Variants in ZNF385B observed in about 807,000 individuals in gnomAD.
ZNF385B encodes the protein zinc finger protein 385B, also known as zinc finger protein 533.
A neutral mutation model predicts 39.2 loss-of-function variants in ZNF385B; 23 were observed. That is an observed-to-expected ratio of 0.59 (90% CI 0.42 to 0.83). ZNF385B has a LOEUF of 0.83. Among genes scored for constraint, ZNF385B ranks in the 40% least tolerant of loss-of-function variants. The pLI is 0.00. For missense variants in ZNF385B, 552 were observed against 598.9 expected, an observed-to-expected ratio of 0.92 and a Z score of 0.82; for synonymous variants, 205 against 222.6, an observed-to-expected ratio of 0.92 and a Z score of 0.70.
intron 3 of ZNF385B, among the ~76,000 whole-genome samples, chr2:179,649,211 C>T (rs1692999447): frequency 6.6e-6 from 1 of 151,998 alleles, no homozygotes; most frequent in South Asian, 2.1e-4. Flanking sequence ...ACAACAACAC[C>T]ACAGAACAAA....
chr2:179,611,220 T>C (rs1460772938), intron 3 of ZNF385B, among the ~76,000 whole-genome samples: 1 of 152,222 alleles, frequency 6.6e-6, no homozygotes, highest in African/African-American at 2.4e-5. Flanking sequence ...ACTCTTTTCA[T>C]ATCCAGTTTT....
chr2:179,830,620 C>G (rs533364085), intron 1 of ZNF385B, among the ~76,000 whole-genome samples: 1 of 152,132 alleles, frequency 6.6e-6, no homozygotes, highest in Non-Finnish European at 1.5e-5. Context: ...TCTGAGAAGG[C>G]TATGCACTCT....
At chr2:179,709,953 C>T (rs373757255) in intron 3 of ZNF385B, among the ~76,000 whole-genome samples, 3 of 152,168 alleles carry the variant, frequency 2.0e-5, no homozygotes, top group African/African-American at 7.2e-5. Flanking sequence ...GGCATCCCCA[C>T]GGATTTCAAC....
intron 5 of ZNF385B, among the ~76,000 whole-genome samples, chr2:179,493,679 A>G (rs1445138040): frequency 4.5e-5 from 5 of 110,270 alleles, no homozygotes; most frequent in Non-Finnish European, 7.8e-5. Context: ...ATATGCATAT[A>G]CATATACACA....
At chr2:179,520,303 T>C (rs192908436) in intron 4 of ZNF385B, among the ~76,000 whole-genome samples, 8 of 152,206 alleles carry the variant, frequency 5.3e-5, no homozygotes, top group Non-Finnish European at 1.0e-4. Flanking sequence ...TATATTATAA[T>C]TTAATAAGTA....
At chr2:179,726,954 C>A (rs961729498) in intron 3 of ZNF385B, among the ~76,000 whole-genome samples, 4 of 152,018 alleles carry the variant, frequency 2.6e-5, no homozygotes, top group Non-Finnish European at 5.9e-5. Context: ...AGATTAGAAT[C>A]CACATTACTT....
intron 3 of ZNF385B, among the ~76,000 whole-genome samples, chr2:179,687,280 T>G (rs1282485803): frequency 6.6e-6 from 1 of 151,648 alleles, no homozygotes; most frequent in African/African-American, 2.4e-5. Flanking sequence ...ATCTTCAACC[T>G]CTTCCAAATC....
At chr2:179,637,787 C>G (rs112145903) in intron 3 of ZNF385B, among the ~76,000 whole-genome samples, 2 of 152,242 alleles carry the variant, frequency 1.3e-5, no homozygotes, top group South Asian at 4.2e-4. Context: ...TGTTAATCAC[C>G]GCTCCATATT....
chr2:179,708,579 C>T (rs1013297705), intron 3 of ZNF385B, among the ~76,000 whole-genome samples: 1 of 152,170 alleles, frequency 6.6e-6, no homozygotes, highest in African/African-American at 2.4e-5. Context: ...GCTACCAAAA[C>T]CATATTTAGT....
At chr2:179,472,694 T>C (rs2052914887) in intron 6 of ZNF385B, among the ~76,000 whole-genome samples, 1 of 152,224 alleles carries the variant, frequency 6.6e-6, no homozygotes, top group South Asian at 2.1e-4. Context: ...AAGTTTCTGC[T>C]TTTTTACTGA....
intron 3 of ZNF385B, among the ~76,000 whole-genome samples, chr2:179,595,913 CATAGAAACT>C (rs1448785629): frequency 6.6e-6 from 1 of 151,964 alleles, no homozygotes; most frequent in East Asian, 1.9e-4. Context: ...TTTATAACTT[CATAGAAACT>C]ATCTACAGAA....
chr2:179,522,708 T>G (rs994120623), intron 4 of ZNF385B, among the ~76,000 whole-genome samples: 1 of 152,146 alleles, frequency 6.6e-6, no homozygotes, highest in Non-Finnish European at 1.5e-5. Context: ...TCTTTTACAT[T>G]AACAAATGTC....
At chr2:179,707,902 G>A (rs527835870) in intron 3 of ZNF385B, among the ~76,000 whole-genome samples, 5 of 152,310 alleles carry the variant, frequency 3.3e-5, no homozygotes, top group African/African-American at 9.6e-5. Flanking sequence ...ACAGTGGATC[G>A]CTAAGGAGCC....
chr2:179,759,904 T>C (rs1428130592), intron 3 of ZNF385B, among the ~76,000 whole-genome samples: 1 of 152,294 alleles, frequency 6.6e-6, no homozygotes, highest in East Asian at 1.9e-4. Flanking sequence ...CTAATTATGC[T>C]ACTAGAAAAC....
intron 3 of ZNF385B, among the ~76,000 whole-genome samples, chr2:179,600,325 T>G (rs1688316579): frequency 1.3e-5 from 2 of 152,190 alleles, no homozygotes; most frequent in African/African-American, 4.8e-5. Context: ...CAATTGACAT[T>G]TCTTTAAAAT....
chr2:179,822,769 A>C (rs754705752), intron 1 of ZNF385B, among the ~76,000 whole-genome samples: 19 of 152,228 alleles, frequency 1.2e-4, no homozygotes, highest in African/African-American at 4.6e-4. Flanking sequence ...ACCTTTTTCC[A>C]TTCTAAAGAA....
At chr2:179,580,471 A>G (rs1686366686) in intron 3 of ZNF385B, among the ~76,000 whole-genome samples, 1 of 152,014 alleles carries the variant, frequency 6.6e-6, no homozygotes, top group East Asian at 1.9e-4. Context: ...TGTCCCCCTT[A>G]CCCCCATAAT....
intron 3 of ZNF385B, among the ~76,000 whole-genome samples, chr2:179,547,367 T>C (rs2060299596): frequency 6.7e-6 from 1 of 149,834 alleles, no homozygotes; most frequent in Non-Finnish European, 1.5e-5. Flanking sequence ...TTTAAGTCTT[T>C]AATACATTTT....
At position 179,711,454 on chromosome 2, in the gene ZNF385B, A is replaced by C. The variant is rs115914038; in HGVS notation, c.298+58049T>G. 6.2e-3 allele frequency among the ~76,000 whole-genome samples: 938 copies of C among 152,328 alleles called. 7 individuals are homozygous for C. Among genetic ancestry groups the C allele is most frequent in the African/African-American group, 0.022 (906 of 41,576 alleles). On this transcript the variant is annotated intron_variant, in intron 3 of 9. Transcript: ENST00000410066. Reference sequence around the variant, plus strand: ...ATGACATGAAAAGAATGTGAGGTCCATTCGAGGGTATGCTGGGGTGGAATG... The same window carrying C: ...ATGACATGAAAAGAATGTGAGGTCCCTTCGAGGGTATGCTGGGGTGGAATG...
Sources: allele counts gnomAD v4.1 joint callset (sites outside exome capture counted in the v4.1 genomes callset), GRCh38; gene constraint gnomAD v4.1.1; transcripts MANE v1.5; gene names NCBI Gene and HGNC (gene_info 2026-07-23, HGNC 2026-07-21).